Variants in PRDM16 observed in about 807,000 individuals in gnomAD.
The protein encoded by PRDM16 is PR/SET domain 16.
PRDM16 carries 23 observed loss-of-function variants against 110.6 expected under a neutral mutation model. The ratio of observed to expected loss-of-function variants is 0.21; its 90% confidence interval spans 0.15 to 0.29. The LOEUF is 0.29. PRDM16 is among the 10% of genes least tolerant of loss of function. The probability of loss-of-function intolerance (pLI) is 1.00; values close to 1 mark genes in which losing one functional copy is unlikely to be tolerated. For synonymous variants in PRDM16, 799 were observed against 781.8 expected, an observed-to-expected ratio of 1.02 and a Z score of -0.37; for missense variants, 1,615 against 1,794.3, an observed-to-expected ratio of 0.90 and a Z score of 1.81.
At chr1:3,073,137 G>C (rs1641808339) in intron 1 of PRDM16, among the ~76,000 whole-genome samples, 1 of 152,224 alleles carries the variant, frequency 6.6e-6, no homozygotes, top group Non-Finnish European at 1.5e-5. Flanking sequence ...AAGTCCTCCT[G>C]TAGGCAGTGC....
intron 1 of PRDM16, among the ~76,000 whole-genome samples, chr1:3,077,268 C>T (rs1223400121): frequency 1.3e-5 from 2 of 152,226 alleles, no homozygotes; most frequent in Non-Finnish European, 2.9e-5. Context: ...GAGCATCCCA[C>T]ATCAGCCCCA....
chr1:3,335,641 A>ACACACACACACC (rs763183715), intron 3 of PRDM16, among the ~76,000 whole-genome samples: 45 of 146,510 alleles, frequency 3.1e-4, no homozygotes, highest in South Asian at 2.3e-3. Flanking sequence ...ACACACACAC[A>ACACACACACACC]CCCTTGGACA....
At chr1:3,268,768 C>T (rs1640358012) in intron 3 of PRDM16, among the ~76,000 whole-genome samples, 1 of 152,200 alleles carries the variant, frequency 6.6e-6, no homozygotes, top group Non-Finnish European at 1.5e-5. Context: ...CTAGAGTATT[C>T]TAATATTCCT....
At chr1:3,125,854 C>T (rs1038423673) in intron 1 of PRDM16, among the ~76,000 whole-genome samples, 4 of 152,222 alleles carry the variant, frequency 2.6e-5, no homozygotes, top group African/African-American at 4.8e-5. Flanking sequence ...CATTAAGGAC[C>T]GGCTCCTTTG....
intron 3 of PRDM16, among the ~76,000 whole-genome samples, chr1:3,337,503 G>A (rs1642184906): frequency 6.6e-6 from 1 of 152,216 alleles, no homozygotes; most frequent in Non-Finnish European, 1.5e-5. Flanking sequence ...TAGGGGCCAT[G>A]CCAGGTCACC....
chr1:3,407,714 A>C (rs1470945434), intron 8 of PRDM16, among the ~76,000 whole-genome samples: 1 of 152,104 alleles, frequency 6.6e-6, no homozygotes, highest in Non-Finnish European at 1.5e-5. Flanking sequence ...CGCTTTAATG[A>C]TGTGCATTCC....
At chr1:3,328,760 C>T (rs1192305669) in intron 3 of PRDM16, among the ~76,000 whole-genome samples, 1 of 152,174 alleles carries the variant, frequency 6.6e-6, no homozygotes, top group Non-Finnish European at 1.5e-5. Context: ...GAGCAGCTCA[C>T]GCAGCTCATA....
intron 3 of PRDM16, among the ~76,000 whole-genome samples, chr1:3,384,273 C>T (rs1203933347): frequency 6.6e-6 from 1 of 152,226 alleles, no homozygotes; most frequent in African/African-American, 2.4e-5. Context: ...CCTGCCCTCC[C>T]TCCTGCCCTG....
intron 3 of PRDM16, among the ~76,000 whole-genome samples, chr1:3,324,053 G>C (rs377170973): frequency 8.3e-4 from 126 of 152,280 alleles, no homozygotes; most frequent in African/African-American, 2.9e-3. Context: ...TTGGGAGGAG[G>C]ATCTACCAGC....
At chr1:3,116,868 C>T (rs1249448628) in intron 1 of PRDM16, among the ~76,000 whole-genome samples, 1 of 152,230 alleles carries the variant, frequency 6.6e-6, no homozygotes, top group Non-Finnish European at 1.5e-5. Context: ...CCTCCACAAA[C>T]CCCCGTGACT....
At chr1:3,101,246 C>G (rs1226258195) in intron 1 of PRDM16, among the ~76,000 whole-genome samples, 1 of 152,168 alleles carries the variant, frequency 6.6e-6, no homozygotes, top group Admixed American at 6.5e-5. Flanking sequence ...ATAGTGGCTC[C>G]CATCCAACGC....
chr1:3,411,285 C>T, intron 8 of PRDM16, 99 bp from the exon 9 acceptor site: 1 of 1,327,128 alleles, frequency 7.5e-7, no homozygotes, highest in Non-Finnish European at 1.0e-6. Flanking sequence ...AGCCTCGCCC[C>T]TCCAGCGGCT....
chr1:3,239,296 T>C (rs1639608812), intron 2 of PRDM16, among the ~76,000 whole-genome samples: 1 of 152,122 alleles, frequency 6.6e-6, no homozygotes. Flanking sequence ...GGGCACTGTT[T>C]AGTTGGGTGT....
chr1:3,091,237 C>T, intron 1 of PRDM16, among the ~76,000 whole-genome samples: 1 of 152,238 alleles, frequency 6.6e-6, no homozygotes. Flanking sequence ...CCAAGCCAGA[C>T]AGGCTCTCTG....
Position 3,412,188 on chromosome 1 carries a change from A to G in PRDM16, c.1991A>G (p.Glu664Gly). The change falls in exon 9 of 17, where the codon GAG (glutamate) becomes GGG (glycine). Residue 664 changes from glutamate (E) to glycine (G), a missense_variant. This residue lies in a region of PRDM16 where 772 missense variants were observed against 748.3 expected (regional missense o/e 1.03). Transcript: ENST00000270722. ...CCGGGGGCCCCGAACAGCGTGGCCG[A>G]GGTGCCTGTCTTCTATTCCCAGCAC... ...APPGAPNSVA[E>G]VPVFYSQHSF... 1 of 1,593,804 alleles carries G rather than the reference A, an allele frequency of 6.3e-7. No individual in the cohort carries two copies. The highest frequency in any genetic ancestry group is 1.1e-5 in the South Asian group (1 of 89,796).
At chr1:3,430,406 C>T (rs968184230) in intron 14 of PRDM16, among the ~76,000 whole-genome samples, 3 of 152,200 alleles carry the variant, frequency 2.0e-5, no homozygotes, top group African/African-American at 7.2e-5. Context: ...CTCCAGATCC[C>T]AGAGAGCCCT....
chr1:3,210,033 A>G (rs1422019474), intron 2 of PRDM16, among the ~76,000 whole-genome samples: 3 of 152,264 alleles, frequency 2.0e-5, no homozygotes, highest in East Asian at 1.9e-4. Context: ...ACAGAAAATC[A>G]GTGACTACTA....
At chr1:3,083,402 G>A (rs1642074945) in intron 1 of PRDM16, among the ~76,000 whole-genome samples, 1 of 152,256 alleles carries the variant, frequency 6.6e-6, no homozygotes, top group South Asian at 2.1e-4. Flanking sequence ...CTGTGTGCCG[G>A]GCGGGCAGAT....
At chr1:3,325,996 GCCC>G (rs150700597) in intron 3 of PRDM16, among the ~76,000 whole-genome samples, 1 of 139,940 alleles carries the variant, frequency 7.1e-6, no homozygotes, top group African/African-American at 2.6e-5. Context: ...ACCATCCTTG[GCCC>G]CCCTTGGCCA....
Sources: gnomAD v4.1 joint callset for allele counts (sites outside exome capture counted in the v4.1 genomes callset) on GRCh38, gnomAD v4.1.1 for gene constraint, gnomAD v4.1.1 regional missense constraint, MANE v1.5 for transcripts, NCBI Gene and HGNC (gene_info 2026-07-23, HGNC 2026-07-21) for gene names.